PCDH15: variants seen among roughly 807,000 people sequenced by gnomAD.
The protein encoded by PCDH15 is protocadherin related 15.
In PCDH15, 129 loss-of-function variants were observed where a neutral mutation model predicts 178.5. That is an observed-to-expected ratio of 0.72 (90% CI 0.63 to 0.84). The LOEUF is 0.84. Among genes scored for constraint, PCDH15 ranks in the 40% least tolerant of loss-of-function variants. The pLI, the probability that PCDH15 is intolerant of heterozygous loss-of-function variation, is 0.00. For synonymous variants in PCDH15, 800 were observed against 732.0 expected, an observed-to-expected ratio of 1.09 and a Z score of -1.50; for missense variants, 2,230 against 2,099.9, an observed-to-expected ratio of 1.06 and a Z score of -1.21.
chr10:54,459,489 G>A (rs575624385), intron 3 of PCDH15, among the ~76,000 whole-genome samples: 13 of 152,104 alleles, frequency 8.5e-5, no homozygotes, highest in Admixed American at 2.0e-4. Flanking sequence ...AACCTATGGA[G>A]GATGTTAAGT....
intron 2 of PCDH15, among the ~76,000 whole-genome samples, chr10:54,978,518 G>A (rs959497502): frequency 1.1e-4 from 16 of 152,018 alleles, no homozygotes; most frequent in Admixed American, 1.3e-4. Flanking sequence ...TGATTATGTT[G>A]GGAAGCTGTA....
chr10:54,819,668 TA>T (rs1953005346), intron 3 of PCDH15, among the ~76,000 whole-genome samples: 1 of 152,032 alleles, frequency 6.6e-6, no homozygotes. Flanking sequence ...TAATATGTAA[TA>T]AAAGGAGACT....
chr10:55,620,114 T>C (rs890493591), intron 2 of PCDH15, among the ~76,000 whole-genome samples: 3 of 152,078 alleles, frequency 2.0e-5, no homozygotes, highest in African/African-American at 7.2e-5. Context: ...ATTTAACCCG[T>C]TATTTTTGGA....
At chr10:55,024,977 C>A (rs916586374) in intron 2 of PCDH15, among the ~76,000 whole-genome samples, 3 of 152,140 alleles carry the variant, frequency 2.0e-5, no homozygotes, top group Non-Finnish European at 2.9e-5. Flanking sequence ...ATCTCCTTGA[C>A]AGCAGAATCT....
At chr10:54,353,104 C>T (rs751428462) in intron 5 of PCDH15, among the ~76,000 whole-genome samples, 18 of 152,068 alleles carry the variant, frequency 1.2e-4, no homozygotes, top group African/African-American at 2.9e-4. Flanking sequence ...TCTGAATCTA[C>T]GATTATTTAT....
intron 2 of PCDH15, among the ~76,000 whole-genome samples, chr10:54,559,819 A>C (rs1187388055): frequency 1.5e-5 from 2 of 134,856 alleles, no homozygotes; most frequent in Non-Finnish European, 3.1e-5. Context: ...TGCTCTAATA[A>C]GTTTATTTGA....
intron 18 of PCDH15, among the ~76,000 whole-genome samples, chr10:54,048,954 G>A (rs371448464): frequency 8.6e-5 from 13 of 151,852 alleles, no homozygotes; most frequent in African/African-American, 2.9e-4. Flanking sequence ...ACAGATTGCT[G>A]TGGGCAGTAT....
intron 2 of PCDH15, among the ~76,000 whole-genome samples, chr10:54,653,792 C>A (rs571186108): frequency 1.3e-5 from 2 of 152,242 alleles, no homozygotes; most frequent in African/African-American, 4.8e-5. Flanking sequence ...ATTCTTCCTG[C>A]AAACATTTTC....
At chr10:54,799,020 G>C (rs59633179) in intron 1 of PCDH15, among the ~76,000 whole-genome samples, 5,972 of 152,008 alleles carry the variant, frequency 0.039, 356 homozygotes, top group African/African-American at 0.13. Context: ...ATTTTGAGAA[G>C]GTTCATAATT....
At position 54,635,162 on chromosome 10, in the gene PCDH15, T is replaced by TATAAATAAATAAATAAATAA. The variant is rs67991291; in HGVS notation, c.91+28990_91+29009dup. Among the ~76,000 whole-genome samples, 606 of 145,412 alleles carry TATAAATAAATAAATAAATAA rather than the reference T, an allele frequency of 4.2e-3. 5 individuals are homozygous for TATAAATAAATAAATAAATAA. The highest frequency in any genetic ancestry group is 0.011 in the Middle Eastern group (3 of 280). ...TTTGAAATGTATACAAATAGTCTCC[T>TATAAATAAATAAATAAATAA]ATAAATAAATAAATAAATAAATAAA... On this transcript the variant is annotated intron_variant, in intron 2 of 37. Coordinates refer to ENST00000644397, the MANE Select transcript of PCDH15 (RefSeq NM_001384140.1).
Position 54,090,228 on chromosome 10 carries a change from G to A in PCDH15, c.1918-165C>T, listed in dbSNP as rs10509004. On this transcript the variant is annotated intron_variant, in intron 15 of 37. Coordinates refer to ENST00000644397, the MANE Select transcript of PCDH15 (RefSeq NM_001384140.1). ...GGCAAGGTGTAAAATCAAACATTTCGTATCTGATCCATTTCTGAATATGTA... is the reference window on the plus strand; with the variant it reads ...GGCAAGGTGTAAAATCAAACATTTCATATCTGATCCATTTCTGAATATGTA... Among the ~76,000 whole-genome samples the A allele has an allele frequency of 0.19, 29,311 of 152,108 alleles. 3,176 individuals are homozygous for A. Among genetic ancestry groups the A allele is most frequent in the Non-Finnish European group, 0.25 (17,226 of 67,984 alleles).
intron 26 of PCDH15, among the ~76,000 whole-genome samples, chr10:53,872,124 G>T (rs1343984880): frequency 6.6e-6 from 1 of 152,038 alleles, no homozygotes; most frequent in Non-Finnish European, 1.5e-5. Context: ...TGAGGATGTT[G>T]GTATCTTGCT....
chr10:55,341,443 A>G (rs1195382754), intron 2 of PCDH15, among the ~76,000 whole-genome samples: 1 of 152,050 alleles, frequency 6.6e-6, no homozygotes, highest in Non-Finnish European at 1.5e-5. Context: ...TAATAAAAGT[A>G]TTTATTCAGT....
chr10:54,942,427 A>C (rs1388906105), intron 2 of PCDH15, among the ~76,000 whole-genome samples: 1 of 150,890 alleles, frequency 6.6e-6, no homozygotes, highest in South Asian at 2.1e-4. Context: ...AATTTTCACG[A>C]GTTATTTTTT....
chr10:54,936,911 T>C (rs1271197480), intron 2 of PCDH15, among the ~76,000 whole-genome samples: 2 of 151,960 alleles, frequency 1.3e-5, no homozygotes, highest in African/African-American at 4.8e-5. Flanking sequence ...ATTTAATAAT[T>C]AATCACATAA....
At chr10:55,106,130 C>T (rs1842668857) in intron 2 of PCDH15, among the ~76,000 whole-genome samples, 1 of 151,850 alleles carries the variant, frequency 6.6e-6, no homozygotes, top group Admixed American at 6.6e-5. Context: ...CAGTGACATG[C>T]TACAGCTGGT....
chr10:53,946,380 G>T (rs187314876), intron 23 of PCDH15, among the ~76,000 whole-genome samples: 3 of 152,038 alleles, frequency 2.0e-5, no homozygotes, highest in Non-Finnish European at 4.4e-5. Flanking sequence ...TCTGTTTTTC[G>T]TCTACTCATC....
chr10:55,034,957 A>AT (rs1840698564), intron 2 of PCDH15, among the ~76,000 whole-genome samples: 2 of 152,178 alleles, frequency 1.3e-5, no homozygotes, highest in African/African-American at 4.8e-5. Flanking sequence ...GAAGAGGCTG[A>AT]TAATAATAGC....
At chr10:55,093,460 T>C (rs954357515) in intron 2 of PCDH15, among the ~76,000 whole-genome samples, 2 of 152,152 alleles carry the variant, frequency 1.3e-5, no homozygotes, top group African/African-American at 4.8e-5. Flanking sequence ...TTTCTTTTAA[T>C]GTGCAGAAGC....
Sources: allele counts gnomAD v4.1 joint callset (sites outside exome capture counted in the v4.1 genomes callset), GRCh38; gene constraint gnomAD v4.1.1; transcripts MANE v1.5; gene names NCBI Gene and HGNC (gene_info 2026-07-23, HGNC 2026-07-21).